POLR1A: variants seen among roughly 807,000 people sequenced by gnomAD.
POLR1A encodes the protein DNA-directed RNA polymerase I subunit RPA1.
Under a neutral mutation model 205.3 loss-of-function variants are expected in POLR1A, and 84 were observed. The ratio of observed to expected loss-of-function variants is 0.41; its 90% CI spans 0.34 to 0.49. POLR1A has a LOEUF of 0.49. Among genes scored for constraint, POLR1A ranks in the 20% least tolerant of loss-of-function variants. The pLI is 0.22. For synonymous variants in POLR1A, 799 were observed against 863.7 expected (o/e 0.93, Z 1.31); for missense variants, 1,645 against 2,204.5 (o/e 0.75, Z 5.08).
At chr2:86,037,997 T>A (rs1227999517) in intron 27 of POLR1A, among the ~76,000 whole-genome samples, 1 of 152,242 alleles carries the variant, frequency 6.6e-6, no homozygotes, top group Admixed American at 6.5e-5. Context: ...GTGTTCACAC[T>A]TCACCGTCTA....
In POLR1A at chr2:86,045,786, C is replaced by T; in HGVS notation, c.2734-17G>A. Reference sequence around the variant, plus strand: ...GCACGAGATCTGGAGGACAGGAAATCCACAGGAAACTGAAGATCCACATGT... The same window carrying T: ...GCACGAGATCTGGAGGACAGGAAATTCACAGGAAACTGAAGATCCACATGT... On this transcript the variant is annotated splice_polypyrimidine_tract_variant and intron_variant, in intron 19 of 33. Coordinates refer to ENST00000263857, the MANE Select transcript of POLR1A (RefSeq NM_015425.6). 1 of 1,598,400 alleles carries T rather than the reference C, an allele frequency of 6.3e-7. No homozygotes were observed. Among genetic ancestry groups the T allele is most frequent in the Non-Finnish European group, 8.5e-7 (1 of 1,175,596 alleles).
At chr2:86,069,944 G>A in intron 13 of POLR1A, 74 bp downstream of exon 13, 3 of 1,509,684 alleles carry the variant, frequency 2.0e-6, no homozygotes, top group Non-Finnish European at 2.7e-6. Flanking sequence ...GACCCCAGGG[G>A]CTGGCAGGGC....
rs377375331 is a variant in POLR1A, at chr2:86,105,813, A to T, written c.-37T>A. On this transcript the variant is annotated 5_prime_UTR_variant, in exon 1 of 34. Coordinates refer to ENST00000263857, the MANE Select transcript of POLR1A (RefSeq NM_015425.6). ...GTTTTGAATTCCGACACCCCAAGAG[A>T]CGTTCCACTCACCACCTGACTATTC... 1.4e-5 allele frequency: 21 copies of T among 1,527,616 alleles called. No individual in the cohort carries two copies. Among genetic ancestry groups the T allele is most frequent in the Non-Finnish European group, 1.9e-5 (21 of 1,101,652 alleles). 94.6% of individuals were successfully genotyped at this position (1,527,616 alleles called of 1,614,324 possible). A position where few individuals can be genotyped will look rare whatever the true frequency, so the allele number is the denominator to read the frequency against.
At position 86,061,866 on chromosome 2, in the gene POLR1A, G is replaced by A. The variant is rs1009237417; in HGVS notation, c.2058+3408C>T. ...GGGAGGGGCCGTGGAGGGGTCTTCT[G>A]GGGGTGCTGGTGATATGCTACTTTC... On this transcript the variant is annotated intron_variant, in intron 14 of 33. Coordinates refer to ENST00000263857, the MANE Select transcript of POLR1A (RefSeq NM_015425.6). Among the ~76,000 whole-genome samples the A allele has an allele frequency of 5.9e-5, 9 of 152,274 alleles. 1 individual carries two copies. The highest frequency in any genetic ancestry group is 3.4e-3 in the Middle Eastern group (1 of 294).
At chr2:86,081,908 T>TG (rs1673410651) in intron 7 of POLR1A, among the ~76,000 whole-genome samples, 1 of 152,222 alleles carries the variant, frequency 6.6e-6, no homozygotes, top group Non-Finnish European at 1.5e-5. Context: ...CATGACTCAC[T>TG]GCAGCCTTGA....
intron 13 of POLR1A, among the ~76,000 whole-genome samples, chr2:86,069,445 G>C (rs1458562085): frequency 6.6e-6 from 1 of 152,198 alleles, no homozygotes; most frequent in African/African-American, 2.4e-5. Context: ...TAAGGAGACG[G>C]GGGAGGAAGT....
intron 27 of POLR1A, 117 bp from the exon 28 acceptor site, chr2:86,033,904 G>C: frequency 1.6e-6 from 2 of 1,269,962 alleles, no homozygotes. Flanking sequence ...CGAGATGGAG[G>C]CCCAGCCTCT....
chr2:86,084,489 G>A lies in POLR1A; in HGVS notation c.731-1321C>T, dbSNP rs574827537. On this transcript the variant is annotated intron_variant, in intron 6 of 33. Coordinates refer to ENST00000263857, the MANE Select transcript of POLR1A (RefSeq NM_015425.6). ...TTCTGGATACATCCACTGAAACTAA[G>A]CATTACTCAATGTTCCTTTTTTATT... 4.0e-5 allele frequency among the ~76,000 whole-genome samples: 6 copies of A among 151,820 alleles called. No individual in the cohort carries two copies. In the East Asian group the frequency reaches 1.2e-3, roughly 29 times the overall value.
intron 28 of POLR1A, among the ~76,000 whole-genome samples, chr2:86,033,346 C>T (rs995967118): frequency 3.9e-5 from 6 of 152,240 alleles, no homozygotes; most frequent in African/African-American, 9.6e-5. Flanking sequence ...AAAGGCTCAG[C>T]GCACGCCATG....
intron 1 of POLR1A, among the ~76,000 whole-genome samples, chr2:86,103,128 C>A (rs779555782): frequency 1.3e-5 from 2 of 152,106 alleles, no homozygotes; most frequent in African/African-American, 2.4e-5. Flanking sequence ...TGTTAGACGG[C>A]AGAAAGGGCT....
rs981833102 is a variant in POLR1A at position 86,098,506 on chromosome 2, G to A, written c.432+105C>T. ...CAGTTATAAGATATAAAGATCAAAC[G>A]TTCTGATGACTATCGGCATGGTAAC... On this transcript the variant is annotated intron_variant, in intron 3 of 33. Transcript: ENST00000263857. 8 of 1,133,934 alleles carry A rather than the reference G, an allele frequency of 7.1e-6. 1 individual carries two copies. Among genetic ancestry groups the A allele is most frequent in the South Asian group, 4.0e-5 (3 of 74,174 alleles). The allele number at this position is 1,133,934 out of a possible 1,614,324, so 70.2% of individuals were successfully genotyped here. A position where few individuals can be genotyped will look rare whatever the true frequency, so the allele number is the denominator to read the frequency against.
chr2:86,080,693 G>T, intron 9 of POLR1A, 123 bp downstream of exon 9: 1 of 909,022 alleles, frequency 1.1e-6, no homozygotes, highest in Non-Finnish European at 1.6e-6. Context: ...TCACACTAAG[G>T]CTGCTGCCAG....
intron 3 of POLR1A, among the ~76,000 whole-genome samples, chr2:86,090,948 C>T (rs1033169755): frequency 6.6e-6 from 1 of 152,200 alleles, no homozygotes; most frequent in Non-Finnish European, 1.5e-5. Context: ...CTAAGCCACA[C>T]AGTGAGATCC....
chr2:86,067,310 G>A (rs918376574), intron 13 of POLR1A, among the ~76,000 whole-genome samples: 3 of 152,166 alleles, frequency 2.0e-5, no homozygotes, highest in Non-Finnish European at 2.9e-5. Flanking sequence ...CTCTGGTTAG[G>A]ATGCTTTGTG....
rs138532144 is a variant in POLR1A, at chr2:86,079,269, C to A, written c.1087-985G>T. ...CTGGCTGGAGTCCCAGAGGGAGATA[C>A]GATCACCTGCATGATGACCGGGCCC... is the stretch of plus-strand genomic sequence containing the variant. On this transcript the variant is annotated intron_variant, in intron 9 of 33. Coordinates refer to ENST00000263857, the MANE Select transcript of POLR1A (RefSeq NM_015425.6). Among the ~76,000 whole-genome samples, 297 of 152,270 alleles carry A rather than the reference C, an allele frequency of 2.0e-3. 4 individuals are homozygous for A. The highest frequency in any genetic ancestry group is 6.9e-3 in the African/African-American group (287 of 41,542).
At chr2:86,072,090 G>A (rs950924695) in intron 12 of POLR1A, among the ~76,000 whole-genome samples, 1 of 152,300 alleles carries the variant, frequency 6.6e-6, no homozygotes, top group East Asian at 1.9e-4. Flanking sequence ...CTCTCTCCCC[G>A]ATTCCTGTTC....
At chr2:86,091,717 G>A (rs529599989) in intron 3 of POLR1A, among the ~76,000 whole-genome samples, 3 of 152,208 alleles carry the variant, frequency 2.0e-5, no homozygotes, top group Non-Finnish European at 4.4e-5. Context: ...CTTACTGTGA[G>A]CGCTGGTTTA....
intron 21 of POLR1A, among the ~76,000 whole-genome samples, chr2:86,044,713 C>A (rs1201265667): frequency 6.6e-6 from 1 of 152,234 alleles, no homozygotes; most frequent in Non-Finnish European, 1.5e-5. Flanking sequence ...ACTTGGTCAG[C>A]CCAGGGATTG....
In POLR1A at chr2:86,038,780, C is replaced by A; in HGVS notation, c.3954G>T (p.Arg1318=). The part of the protein sequence containing the change: ...KQNKFQVYQL[R]FQFLPHAYYQ... Reference sequence around the variant, plus strand: ...AATATGCATGTGGCAGGAACTGAAACCGCAGCTGGTACACCTGGAATTTGT... The same window carrying A: ...AATATGCATGTGGCAGGAACTGAAAACGCAGCTGGTACACCTGGAATTTGT... The change falls in exon 27 of 34, where the codon CGG becomes CGT. Residue 1318 remains arginine (R), a synonymous_variant. Coordinates refer to ENST00000263857, the MANE Select transcript of POLR1A (RefSeq NM_015425.6). 6.2e-7 allele frequency: 1 copy of A among 1,614,008 alleles called. No individual in the cohort carries two copies. Among genetic ancestry groups the A allele is most frequent in the Non-Finnish European group, 8.5e-7 (1 of 1,179,930 alleles).
Sources: gnomAD v4.1 joint callset for allele counts (sites outside exome capture counted in the v4.1 genomes callset) on GRCh38, gnomAD v4.1.1 for gene constraint, MANE v1.5 for transcripts, NCBI Gene and HGNC (gene_info 2026-07-23, HGNC 2026-07-21) for gene names.